PEX5L: variants seen among roughly 807,000 people sequenced by gnomAD.
PEX5L encodes the protein peroxisomal biogenesis factor 5 like.
PEX5L carries 30 observed loss-of-function variants against 84.0 expected under a neutral mutation model. The ratio of observed to expected loss-of-function variants is 0.36; its 90% CI spans 0.27 to 0.48. PEX5L has a LOEUF of 0.48. Among genes scored for constraint, PEX5L ranks in the 20% least tolerant of loss-of-function variants. The probability of loss-of-function intolerance (pLI) is 0.99; values close to 1 mark genes in which losing one functional copy is unlikely to be tolerated. For synonymous variants in PEX5L, 270 were observed against 283.1 expected (o/e 0.95, Z 0.46); for missense variants, 533 against 754.6 (o/e 0.71, Z 3.44).
intron 2 of PEX5L, among the ~76,000 whole-genome samples, chr3:179,909,754 T>C (rs575453477): frequency 6.6e-6 from 1 of 152,264 alleles, no homozygotes; most frequent in African/African-American, 2.4e-5. Context: ...TAATCCAATA[T>C]GACTGGTATT....
chr3:179,848,932 A>G (rs1740700824), intron 8 of PEX5L, among the ~76,000 whole-genome samples: 1 of 152,212 alleles, frequency 6.6e-6, no homozygotes, highest in African/African-American at 2.4e-5. Flanking sequence ...CCTGCATAGA[A>G]TGGAGCAAGA....
chr3:180,024,347 A>AATAT (rs148495757), intron 1 of PEX5L, among the ~76,000 whole-genome samples: 3,802 of 107,556 alleles, frequency 0.035, 165 homozygotes, highest in Non-Finnish European at 0.047. Flanking sequence ...GTCCCTACTA[A>AATAT]ATATATATAT....
chr3:179,928,149 T>C (rs1051241648), intron 2 of PEX5L, among the ~76,000 whole-genome samples: 2 of 152,286 alleles, frequency 1.3e-5, no homozygotes, highest in East Asian at 3.9e-4. Context: ...TGCCAACAAT[T>C]CTCTTTACTT....
chr3:179,923,568 A>G (rs758808849), intron 2 of PEX5L, among the ~76,000 whole-genome samples: 21 of 152,242 alleles, frequency 1.4e-4, no homozygotes, highest in Non-Finnish European at 2.8e-4. Context: ...CTGTGTTTCA[A>G]TAACCCCTTC....
chr3:179,840,177 G>GTTT (rs1560319639), intron 8 of PEX5L, among the ~76,000 whole-genome samples: 70 of 107,896 alleles, frequency 6.5e-4, no homozygotes, highest in African/African-American at 2.6e-3. Flanking sequence ...GTGTGTGTGT[G>GTTT]TGTGTGTTTT....
At chr3:179,858,176 T>A (rs2108522962) in intron 8 of PEX5L, among the ~76,000 whole-genome samples, 1 of 152,324 alleles carries the variant, frequency 6.6e-6, no homozygotes, top group South Asian at 2.1e-4. Context: ...AAATGAACCA[T>A]ATTCCAGAAA....
chr3:179,917,054 TG>T (rs1767419447), intron 2 of PEX5L, among the ~76,000 whole-genome samples: 1 of 150,828 alleles, frequency 6.6e-6, no homozygotes, highest in Non-Finnish European at 1.5e-5. Context: ...ATATATTTTC[TG>T]TGTATCCTTA....
intron 5 of PEX5L, among the ~76,000 whole-genome samples, chr3:179,877,607 T>C (rs928378749): frequency 6.6e-6 from 1 of 151,792 alleles, no homozygotes; most frequent in Non-Finnish European, 1.5e-5. Context: ...TACAGGCTTA[T>C]GCCACTATGC....
At chr3:179,874,079 C>T (rs1751285872) in intron 7 of PEX5L, among the ~76,000 whole-genome samples, 1 of 151,672 alleles carries the variant, frequency 6.6e-6, no homozygotes, top group Non-Finnish European at 1.5e-5. Flanking sequence ...GGAAAAAGTG[C>T]TAAGTACACA....
chr3:179,970,272 C>G (rs1784394976), intron 2 of PEX5L, among the ~76,000 whole-genome samples: 1 of 151,912 alleles, frequency 6.6e-6, no homozygotes, highest in Non-Finnish European at 1.5e-5. Flanking sequence ...GTTCATTTGC[C>G]AGGTGGGTCC....
At chr3:179,915,860 A>C (rs1038294030) in intron 2 of PEX5L, among the ~76,000 whole-genome samples, 22 of 152,224 alleles carry the variant, frequency 1.4e-4, no homozygotes, top group African/African-American at 4.6e-4. Context: ...TCCAAAGAAG[A>C]GATGGGCATC....
At chr3:179,861,540 G>C (rs1318726930) in intron 7 of PEX5L, among the ~76,000 whole-genome samples, 1 of 152,214 alleles carries the variant, frequency 6.6e-6, no homozygotes, top group Non-Finnish European at 1.5e-5. Context: ...GGGTGGCGGG[G>C]TACCTCTGGG....
At chr3:179,856,258 T>G (rs1743898557) in intron 8 of PEX5L, among the ~76,000 whole-genome samples, 1 of 152,254 alleles carries the variant, frequency 6.6e-6, no homozygotes, top group African/African-American at 2.4e-5. Context: ...ACATGTTACC[T>G]ATTATGCTGT....
At chr3:179,835,434 G>T (rs1410696731) in intron 8 of PEX5L, among the ~76,000 whole-genome samples, 1 of 151,976 alleles carries the variant, frequency 6.6e-6, no homozygotes, top group Non-Finnish European at 1.5e-5. Context: ...CAATATATCA[G>T]TCGGTAATGG....
At chr3:179,823,640 T>G (rs1195601665) in intron 8 of PEX5L, among the ~76,000 whole-genome samples, 3 of 152,242 alleles carry the variant, frequency 2.0e-5, no homozygotes, top group Admixed American at 6.5e-5. Flanking sequence ...TTCTCCATGA[T>G]GTTTTCTTCA....
intron 8 of PEX5L, among the ~76,000 whole-genome samples, chr3:179,856,417 G>A (rs189199146): frequency 2.0e-5 from 3 of 152,112 alleles, no homozygotes; most frequent in Non-Finnish European, 4.4e-5. Flanking sequence ...GGGATACTTC[G>A]GCTTTTTCCA....
chr3:180,029,519 G>A (rs1019675565), intron 1 of PEX5L, among the ~76,000 whole-genome samples: 1 of 152,152 alleles, frequency 6.6e-6, no homozygotes, highest in Non-Finnish European at 1.5e-5. Flanking sequence ...GGTCGTTATG[G>A]AGTCAATATA....
rs1469588573 is a variant in PEX5L at position 179,978,665 on chromosome 3, T to C, written c.22-7000A>G. 2.0e-5 allele frequency among the ~76,000 whole-genome samples: 3 copies of C among 152,218 alleles called. No individual in the cohort carries two copies. In the East Asian group the frequency reaches 5.8e-4, roughly 29 times the overall value. ...AAAACTCAGAAAAGTAAGACTATTG[T>C]TTCAAAAAGCTTCCAAGATCAGAGC... On this transcript the variant is annotated intron_variant, in intron 1 of 14. Coordinates refer to ENST00000467460, the MANE Select transcript of PEX5L (RefSeq NM_016559.3).
At chr3:179,820,933 T>A (rs1577261162) in intron 8 of PEX5L, among the ~76,000 whole-genome samples, 2 of 152,060 alleles carry the variant, frequency 1.3e-5, no homozygotes, top group East Asian at 3.9e-4. Context: ...GTGCTCAGTT[T>A]TTAGCTATTT....
Sources: gnomAD v4.1 joint callset for allele counts (sites outside exome capture counted in the v4.1 genomes callset) on GRCh38, gnomAD v4.1.1 for gene constraint, MANE v1.5 for transcripts, NCBI Gene and HGNC (gene_info 2026-07-23, HGNC 2026-07-21) for gene names.